The following MTIF2 variants were observed in gnomAD, a reference collection of about 807,000 sequenced individuals.
MTIF2 encodes the protein translation initiation factor IF-2, mitochondrial.
In MTIF2, 71 loss-of-function variants were observed where a neutral mutation model predicts 83.5. The ratio of observed to expected loss-of-function variants is 0.85; its 90% confidence interval spans 0.70 to 1.04. The LOEUF (loss-of-function observed/expected upper bound fraction) is 1.04, where lower values mean the gene tolerates loss of function less well. Ranked by LOEUF, MTIF2 falls within the 50% of genes least tolerant of loss-of-function variation. The probability of loss-of-function intolerance (pLI) is 0.00; values close to 1 mark genes in which losing one functional copy is unlikely to be tolerated. For synonymous variants in MTIF2, 319 were observed against 287.1 expected, an observed-to-expected ratio of 1.11 and a Z score of -1.12; for missense variants, 957 against 846.5, an observed-to-expected ratio of 1.13 and a Z score of -1.62.
chr2:55,242,678 C>CT (rs1489665294), intron 13 of MTIF2, among the ~76,000 whole-genome samples: 10 of 152,102 alleles, frequency 6.6e-5, no homozygotes, highest in Non-Finnish European at 1.3e-4. Flanking sequence ...AGTAATGGTG[C>CT]TTTTAAAAAA....
At chr2:55,262,212 T>C in intron 5 of MTIF2, 104 bp downstream of exon 5, 1 of 781,956 alleles carries the variant, frequency 1.3e-6, no homozygotes, top group Non-Finnish European at 2.2e-6. Flanking sequence ...ATTTTTTAAG[T>C]GCCAGTCTAG....
chr2:55,241,675 T>G (rs531772684), intron 13 of MTIF2, among the ~76,000 whole-genome samples: 2 of 152,066 alleles, frequency 1.3e-5, no homozygotes, highest in East Asian at 3.9e-4. Flanking sequence ...AAACCTTATC[T>G]ATGCTAAAAA....
At chr2:55,249,150 A>G (rs149888659) in intron 9 of MTIF2, among the ~76,000 whole-genome samples, 118 of 152,192 alleles carry the variant, frequency 7.8e-4, no homozygotes, top group African/African-American at 2.6e-3. Flanking sequence ...CATCCTAAGT[A>G]TCTCATAATA....
intron 6 of MTIF2, 69 bp from the exon 7 acceptor site, chr2:55,254,270 C>G: frequency 6.6e-7 from 1 of 1,523,872 alleles, no homozygotes; most frequent in South Asian, 1.2e-5. Context: ...TGAATTGGTT[C>G]ACATTTATCC....
At chr2:55,249,112 A>T (rs1373353226) in intron 9 of MTIF2, among the ~76,000 whole-genome samples, 5 of 152,166 alleles carry the variant, frequency 3.3e-5, no homozygotes, top group African/African-American at 1.2e-4. Context: ...TCTTTGTCCT[A>T]CTATTTCCCT....
At position 55,269,173 on chromosome 2, in the gene MTIF2, A is replaced by T. The variant is rs1436649142; in HGVS notation, c.-241T>A. The T allele has an allele frequency of 2.0e-5, 3 of 152,290 alleles. No homozygotes were observed. The highest frequency in any genetic ancestry group is 7.2e-5 in the African/African-American group (3 of 41,440). 9.4% of individuals were successfully genotyped at this position (152,290 alleles called of 1,614,324 possible). On this transcript the variant is annotated 5_prime_UTR_variant, in exon 1 of 16. Coordinates refer to ENST00000263629, the MANE Select transcript of MTIF2 (RefSeq NM_002453.3). ...TCCTACCCACTTAACTCCTACCTAC[A>T]GCCCCGGGCCCCTGGATTCTGAGCA...
chr2:55,263,985 TA>T (rs1403533067), intron 3 of MTIF2, 120 bp from the exon 4 acceptor site: 2 of 728,106 alleles, frequency 2.7e-6, no homozygotes, highest in Non-Finnish European at 4.5e-6. Context: ...CAACAATGAG[TA>T]AAACTGGGTT....
At position 55,254,101 on chromosome 2, in the gene MTIF2, T is replaced by C; in HGVS notation, c.604A>G (p.Lys202Glu). 6.2e-7 allele frequency: 1 copy of C among 1,614,210 alleles called. No homozygotes were observed. The highest frequency in any genetic ancestry group is 1.3e-5 in the African/African-American group (1 of 75,070). ...GTTTCCACTGCTGCCACTTGAGTTT[T>C]TCGAAATTTGTCAAGTAATGTCGTT... ...GKTTLLDKFR[K>E]TQVAAVETGG... Residue 202 changes from lysine to glutamate, a missense_variant, in exon 7 of 16, where the codon AAA becomes GAA. Physicochemically the swap from Lys to Glu is moderately conservative, Grantham distance 56. This residue lies in a region of MTIF2 where 733 missense variants were observed against 648.7 expected (regional missense o/e 1.13). Coordinates refer to ENST00000263629, the MANE Select transcript of MTIF2 (RefSeq NM_002453.3).
At chr2:55,240,258 TC>T in intron 13 of MTIF2, 83 bp from the exon 14 acceptor site, 1 of 1,276,702 alleles carries the variant, frequency 7.8e-7, no homozygotes, top group Non-Finnish European at 1.1e-6. Context: ...GAAACTTGAA[TC>T]TAAATTGTTT....
At chr2:55,254,402 A>G (rs1250832591) in intron 6 of MTIF2, among the ~76,000 whole-genome samples, 1 of 152,242 alleles carries the variant, frequency 6.6e-6, no homozygotes, top group Non-Finnish European at 1.5e-5. Context: ...CATTTTCATA[A>G]CAATGAGCAG....
At chr2:55,244,794 C>A (rs1296817768) in intron 10 of MTIF2, among the ~76,000 whole-genome samples, 1 of 152,036 alleles carries the variant, frequency 6.6e-6, no homozygotes, top group Non-Finnish European at 1.5e-5. Context: ...CACCTGTAAT[C>A]CCAGTACTTT....
chr2:55,252,576 C>T lies in MTIF2; in HGVS notation c.742G>A (p.Gly248Ser). 6.2e-7 allele frequency: 1 copy of T among 1,614,150 alleles called. No individual in the cohort carries two copies. The highest frequency in any genetic ancestry group is 2.2e-5 in the East Asian group (1 of 44,878). ...ACGACAATGTCAGTGACCTGAGCAC[C>T]TCTGGCTCTCATTGCTGAGAAAGCA... is the stretch of plus-strand genomic sequence containing the variant. ...HAAFSAMRAR[G>S]AQVTDIVVLV... The change falls in exon 8 of 16, where the codon GGT becomes AGT. Residue 248 changes from glycine (G) to serine (S), a missense_variant. Gly to Ser is a moderately conservative substitution (Grantham distance 56). Around this residue, in one of 3 missense-constraint regions of MTIF2, gnomAD observed 733 missense variants for 648.7 expected, o/e 1.13. Transcript: ENST00000263629.
intron 5 of MTIF2, among the ~76,000 whole-genome samples, chr2:55,256,328 A>ATATAT (rs149034173): frequency 2.2e-5 from 3 of 138,668 alleles, no homozygotes; most frequent in African/African-American, 7.7e-5. Flanking sequence ...ACACACACAC[A>ATATAT]ATATATATCT....
intron 8 of MTIF2, among the ~76,000 whole-genome samples, chr2:55,250,815 T>C (rs1471272753): frequency 6.6e-6 from 1 of 152,072 alleles, no homozygotes; most frequent in Non-Finnish European, 1.5e-5. Context: ...CAACGTACTA[T>C]TACGAAAAAG....
At chr2:55,265,665 CTCTTT>C (rs938240221) in intron 3 of MTIF2, among the ~76,000 whole-genome samples, 2 of 151,928 alleles carry the variant, frequency 1.3e-5, no homozygotes, top group African/African-American at 2.4e-5. Flanking sequence ...ATATTTTCAA[CTCTTT>C]TCTTTGTGCT....
chr2:55,261,941 C>CAAAAAAAAAAAAAAA (rs5831348), intron 5 of MTIF2, among the ~76,000 whole-genome samples: 3 of 87,128 alleles, frequency 3.4e-5, no homozygotes, highest in African/African-American at 3.8e-5. Context: ...AAAAAAAAAC[C>CAAAAAAAAAAAAAAA]AAAAAAAAAA....
chr2:55,248,698 T>C (rs1188445694), intron 9 of MTIF2, among the ~76,000 whole-genome samples: 1 of 152,254 alleles, frequency 6.6e-6, no homozygotes, highest in African/African-American at 2.4e-5. Flanking sequence ...AGTCAATCAA[T>C]AACAAAATCA....
intron 8 of MTIF2, 35 bp from the exon 9 acceptor site, chr2:55,249,569 T>C (rs1304174573): frequency 2.5e-6 from 4 of 1,607,720 alleles, no homozygotes; most frequent in Non-Finnish European, 3.4e-6. Flanking sequence ...GTGAAAATGA[T>C]GACACCTTCA....
At chr2:55,252,392 G>T in intron 8 of MTIF2, 85 bp downstream of exon 8, 1 of 1,167,450 alleles carries the variant, frequency 8.6e-7, no homozygotes, top group Non-Finnish European at 1.2e-6. Flanking sequence ...CTCTGGGATT[G>T]TTGTGAAGAC....
Sources: gnomAD v4.1 joint callset for allele counts (sites outside exome capture counted in the v4.1 genomes callset) on GRCh38, gnomAD v4.1.1 for gene constraint, gnomAD v4.1.1 regional missense constraint, MANE v1.5 for transcripts, NCBI Gene and HGNC (gene_info 2026-07-23, HGNC 2026-07-21) for gene names.